SNTG2: variants seen among roughly 807,000 people sequenced by gnomAD.
The protein encoded by SNTG2 is syntrophin gamma 2.
A neutral mutation model predicts 70.9 loss-of-function variants in SNTG2; 74 were observed. That is an observed-to-expected ratio of 1.04 (90% CI 0.86 to 1.27). The LOEUF (loss-of-function observed/expected upper bound fraction) is 1.27, where lower values mean the gene tolerates loss of function less well. SNTG2 is among the 50% of genes most tolerant of loss of function. The pLI, the probability that SNTG2 is intolerant of heterozygous loss-of-function variation, is 0.00. For missense variants in SNTG2, 717 were observed against 690.7 expected (o/e 1.04, Z -0.43); for synonymous variants, 278 against 273.8 (o/e 1.02, Z -0.15).
Position 1,295,826 on chromosome 2 carries a change from G to C in SNTG2, c.1285-12668G>C, listed in dbSNP as rs575187890. On this transcript the variant is annotated intron_variant, in intron 14 of 16. Transcript: ENST00000308624. ...GTCACCATCAATGTCTTCCACTGTA[G>C]AAGGCCGAGTCTCCTATGTTGGGGT... Among the ~76,000 whole-genome samples, 6 of 151,032 alleles carry C rather than the reference G, an allele frequency of 4.0e-5. No homozygotes were observed. The South Asian group carries it at 1.3e-3, about 32-fold the overall frequency.
chr2:1,115,881 A>G (rs1253729782), intron 4 of SNTG2, among the ~76,000 whole-genome samples: 1 of 152,218 alleles, frequency 6.6e-6, no homozygotes, highest in East Asian at 1.9e-4. Context: ...GATTTTGGAA[A>G]TGAATTCAGG....
At position 1,098,215 on chromosome 2, in the gene SNTG2, G is replaced by T. The variant is rs377446664; in HGVS notation, c.230G>T (p.Arg77Leu). ...TTAAAGCGCAGAACTGTTACACTCC[G>T]CAGACAGCCAGTTGGCGGCTTGGGC... ...QGRNRRTVTL[R>L]RQPVGGLGLS... The change falls in exon 3 of 17, where the codon CGC (arginine) becomes CTC (leucine). Residue 77 changes from arginine (R) to leucine (L), a missense_variant. Physicochemically the swap from Arg to Leu is moderately radical, Grantham distance 102. Transcript: ENST00000308624. The T allele has an allele frequency of 8.3e-5, 134 of 1,613,996 alleles. No homozygotes were observed. In the Middle Eastern group the frequency reaches 1.3e-3, roughly 16 times the overall value.
At chr2:1,202,552 T>G (rs959534526) in intron 8 of SNTG2, among the ~76,000 whole-genome samples, 3 of 151,978 alleles carry the variant, frequency 2.0e-5, no homozygotes, top group African/African-American at 7.2e-5. Context: ...AATAGCAACA[T>G]GTAATTAAGC....
intron 9 of SNTG2, among the ~76,000 whole-genome samples, chr2:1,215,283 T>C (rs1242286108): frequency 6.7e-6 from 1 of 149,456 alleles, no homozygotes; most frequent in Non-Finnish European, 1.5e-5. Flanking sequence ...TACTCTTCAA[T>C]TTTTTGTGAA....
chr2:1,155,978 AAGGCC>A (rs781231333), intron 6 of SNTG2, among the ~76,000 whole-genome samples: 20 of 152,188 alleles, frequency 1.3e-4, no homozygotes, highest in South Asian at 4.2e-4. Flanking sequence ...GGACACCCAG[AAGGCC>A]AGGCCAGGCC....
chr2:1,304,050 A>C (rs547540195), intron 14 of SNTG2, among the ~76,000 whole-genome samples: 2 of 152,356 alleles, frequency 1.3e-5, no homozygotes, highest in Admixed American at 1.3e-4. Context: ...TATCTTCTCT[A>C]TAATATCTTC....
At chr2:1,289,150 A>G (rs2148218652) in intron 14 of SNTG2, among the ~76,000 whole-genome samples, 1 of 152,112 alleles carries the variant, frequency 6.6e-6, no homozygotes, top group African/African-American at 2.4e-5. Context: ...TGCCACTAGC[A>G]TTATCTTCAG....
At chr2:1,261,849 G>A (rs1678429900) in intron 13 of SNTG2, among the ~76,000 whole-genome samples, 1 of 152,066 alleles carries the variant, frequency 6.6e-6, no homozygotes, top group Non-Finnish European at 1.5e-5. Flanking sequence ...AGTGGACGAG[G>A]ACTTTCCAGA....
intron 15 of SNTG2, among the ~76,000 whole-genome samples, chr2:1,313,288 G>A (rs1681098557): frequency 6.6e-6 from 1 of 152,194 alleles, no homozygotes; most frequent in Admixed American, 6.5e-5. Flanking sequence ...ATGGAAAAAT[G>A]TTTTCTGTCT....
At position 1,353,327 on chromosome 2, in the gene SNTG2, G is replaced by C. The variant is rs1660681661; in HGVS notation, c.1489-14016G>C. Among the ~76,000 whole-genome samples, 1 of 152,198 alleles carries C rather than the reference G, an allele frequency of 6.6e-6. No individual in the cohort carries two copies. The highest frequency in any genetic ancestry group is 1.5e-5 in the Non-Finnish European group (1 of 68,050). ...CTACAGCCTCATCGTATAAACATAA[G>C]GAAGTGCCTGGGGCCCTGGCTTGGA... On this transcript the variant is annotated intron_variant, in intron 16 of 16. Transcript: ENST00000308624. The surrounding 1 kb of genome is among the most constrained non-coding windows in gnomAD (Gnocchi z 4.2).
intron 4 of SNTG2, among the ~76,000 whole-genome samples, chr2:1,127,869 G>C (rs532543644): frequency 6.6e-6 from 1 of 152,016 alleles, no homozygotes; most frequent in African/African-American, 2.4e-5. Flanking sequence ...GAACCTTTAG[G>C]TTTTTCTATA....
chr2:1,044,144 G>C lies in SNTG2; in HGVS notation c.73-39374G>C, dbSNP rs555746605. The stretch of plus-strand genomic sequence containing the variant: ...TTCACCACCGCTGCCCCCCCACCCC[G>C]GTTAGCTGTATTCCTAGGTATTTTA... On this transcript the variant is annotated intron_variant, in intron 1 of 16. Coordinates refer to ENST00000308624, the MANE Select transcript of SNTG2 (RefSeq NM_018968.4). Among the ~76,000 whole-genome samples, 59 of 151,724 alleles carry C rather than the reference G, an allele frequency of 3.9e-4. No homozygotes were observed. The South Asian group carries it at 0.012, about 31-fold the overall frequency.
chr2:1,248,009 A>G (rs1436732386), intron 12 of SNTG2, among the ~76,000 whole-genome samples: 1 of 152,182 alleles, frequency 6.6e-6, no homozygotes, highest in Admixed American at 6.5e-5. Flanking sequence ...TTATCAATTT[A>G]AACAGCTTTA....
intron 1 of SNTG2, among the ~76,000 whole-genome samples, chr2:1,068,966 C>T (rs1413957547): frequency 6.6e-6 from 1 of 152,188 alleles, no homozygotes. Flanking sequence ...CTCCAGGCTG[C>T]TTAGAACAAA....
chr2:1,201,837 A>T (rs1188302933), intron 8 of SNTG2, among the ~76,000 whole-genome samples: 1 of 152,054 alleles, frequency 6.6e-6, no homozygotes, highest in Non-Finnish European at 1.5e-5. Flanking sequence ...TGAATTACAT[A>T]TCATGGAGTC....
chr2:994,694 GTCTT>G (rs1278982678), intron 1 of SNTG2, among the ~76,000 whole-genome samples: 11 of 151,822 alleles, frequency 7.2e-5, no homozygotes, highest in Non-Finnish European at 7.4e-5. Context: ...AACATGGACT[GTCTT>G]TCTATTTATT....
At chr2:1,357,518 A>G (rs2148314546) in intron 16 of SNTG2, among the ~76,000 whole-genome samples, 1 of 152,248 alleles carries the variant, frequency 6.6e-6, no homozygotes, top group Middle Eastern at 3.4e-3. Context: ...TTATAAGGGC[A>G]ACTGTGGCCT....
intron 4 of SNTG2, among the ~76,000 whole-genome samples, chr2:1,098,852 G>A (rs924394484): frequency 2.0e-5 from 3 of 152,174 alleles, no homozygotes; most frequent in African/African-American, 7.2e-5. Flanking sequence ...GGGCTGAAAC[G>A]CCGTCCGTTC....
chr2:1,265,879 C>T (rs1678702012), intron 13 of SNTG2, among the ~76,000 whole-genome samples: 1 of 152,174 alleles, frequency 6.6e-6, no homozygotes, highest in South Asian at 2.1e-4. Flanking sequence ...ACTTTGGAAA[C>T]CCCAGCCCAG....
Sources: gnomAD v4.1 joint callset for allele counts (sites outside exome capture counted in the v4.1 genomes callset) on GRCh38, gnomAD v4.1.1 for gene constraint, Gnocchi (gnomAD v3.1) non-coding constraint, MANE v1.5 for transcripts, NCBI Gene and HGNC (gene_info 2026-07-23, HGNC 2026-07-21) for gene names.